ZNF385D: variants seen among roughly 807,000 people sequenced by gnomAD.
The protein encoded by ZNF385D is zinc finger protein 385D, also known as zinc finger protein 659.
In ZNF385D, 15 loss-of-function variants were observed where a neutral mutation model predicts 35.8. That is an observed-to-expected ratio of 0.42 (90% CI 0.28 to 0.64). ZNF385D has a LOEUF of 0.64. Among genes scored for constraint, ZNF385D ranks in the 30% least tolerant of loss-of-function variants. The pLI, the probability that ZNF385D is intolerant of heterozygous loss-of-function variation, is 0.23. For synonymous variants in ZNF385D, 212 were observed against 186.8 expected (o/e 1.13, Z -1.10); for missense variants, 474 against 494.6 (o/e 0.96, Z 0.39).
At chr3:21,776,455 A>C (rs2071292241) in intron 3 of ZNF385D, among the ~76,000 whole-genome samples, 2 of 151,974 alleles carry the variant, frequency 1.3e-5, no homozygotes, top group African/African-American at 4.8e-5. Context: ...AAAAAGAACG[A>C]CGTATGTGTG....
chr3:21,875,747 G>A lies in ZNF385D; in HGVS notation c.326-210719C>T, dbSNP rs564771558. 9.9e-5 allele frequency among the ~76,000 whole-genome samples: 15 copies of A among 152,168 alleles called. No individual in the cohort carries two copies. The South Asian group carries it at 2.3e-3, about 23-fold the overall frequency. On this transcript the variant is annotated intron_variant, in intron 3 of 5. Transcript: ENST00000494108. ...GAGGCCACTCCAAGTAGTGGCAGCC[G>A]TGTCATTGCCACCACTGTTGTCATC...
In ZNF385D at chr3:21,522,936, T is replaced by C. The variant is rs1038015438; in HGVS notation, c.277-11913A>G. On this transcript the variant is annotated intron_variant, in intron 3 of 7. Coordinates refer to ENST00000281523, the MANE Select transcript of ZNF385D (RefSeq NM_024697.3). ...GTGCTAACAGCACACTATCCACCGG[T>C]AGTATTTAGTTGTCCTTGGTAGGAT... Among the ~76,000 whole-genome samples, 20 of 152,130 alleles carry C rather than the reference T, an allele frequency of 1.3e-4. No individual in the cohort carries two copies. The East Asian group carries it at 1.4e-3, about 10-fold the overall frequency.
chr3:21,809,063 T>C (rs1339384390), intron 3 of ZNF385D, among the ~76,000 whole-genome samples: 2 of 152,292 alleles, frequency 1.3e-5, no homozygotes, highest in East Asian at 1.9e-4. Flanking sequence ...TAATGATAAA[T>C]TGCTCATCTT....
intron 3 of ZNF385D, among the ~76,000 whole-genome samples, chr3:22,118,673 T>C (rs1188315554): frequency 2.0e-5 from 3 of 152,094 alleles, no homozygotes; most frequent in African/African-American, 7.2e-5. Flanking sequence ...TCTCGATGGT[T>C]AAGACAAACA....
chr3:22,086,586 G>A (rs1418358113), intron 3 of ZNF385D, among the ~76,000 whole-genome samples: 1 of 152,180 alleles, frequency 6.6e-6, no homozygotes, highest in African/African-American at 2.4e-5. Flanking sequence ...CATGCTCATA[G>A]ATAGGAAGAA....
chr3:21,925,188 G>A (rs1055332773), intron 3 of ZNF385D, among the ~76,000 whole-genome samples: 19 of 152,028 alleles, frequency 1.2e-4, no homozygotes, highest in African/African-American at 4.6e-4. Flanking sequence ...AGGTAGAATA[G>A]CTAAAATAAT....
chr3:21,754,905 T>C (rs1233603663), upstream of ZNF385D, among the ~76,000 whole-genome samples: 2 of 152,240 alleles, frequency 1.3e-5, no homozygotes, highest in Non-Finnish European at 2.9e-5. Context: ...CTGTATTGTG[T>C]GTAAGACATC....
chr3:21,732,765 G>A (rs1181964090), intron 1 of ZNF385D, among the ~76,000 whole-genome samples: 1 of 152,144 alleles, frequency 6.6e-6, no homozygotes, highest in Non-Finnish European at 1.5e-5. Flanking sequence ...TGACCTTGAA[G>A]TGTTCTCTGT....
At chr3:21,720,796 C>A (rs1022557102) in intron 1 of ZNF385D, among the ~76,000 whole-genome samples, 2 of 152,110 alleles carry the variant, frequency 1.3e-5, no homozygotes, top group African/African-American at 2.4e-5. Context: ...AGTCCTCTGG[C>A]ATTTAATTTA....
intron 3 of ZNF385D, among the ~76,000 whole-genome samples, chr3:22,008,187 C>A (rs1696336236): frequency 6.6e-6 from 1 of 152,018 alleles, no homozygotes; most frequent in Non-Finnish European, 1.5e-5. Flanking sequence ...TTCAGAACTT[C>A]TAAGTGCTAC....
chr3:21,821,451 T>A (rs1694227133), intron 3 of ZNF385D, among the ~76,000 whole-genome samples: 1 of 152,154 alleles, frequency 6.6e-6, no homozygotes, highest in South Asian at 2.1e-4. Flanking sequence ...TACATGATAC[T>A]TAGAATTAAA....
intron 3 of ZNF385D, among the ~76,000 whole-genome samples, chr3:21,769,459 C>G (rs1028603777): frequency 2.3e-5 from 3 of 127,684 alleles, no homozygotes; most frequent in African/African-American, 6.4e-5. Context: ...ACAAGAGAGC[C>G]AAATCATGAG....
At chr3:21,983,374 C>A (rs1694620158) in intron 3 of ZNF385D, among the ~76,000 whole-genome samples, 1 of 113,026 alleles carries the variant, frequency 8.8e-6, no homozygotes, top group Admixed American at 1.0e-4. Flanking sequence ...TCCATGTGAT[C>A]TCATTGTTCA....
At chr3:21,498,613 C>T (rs1706107670) in intron 4 of ZNF385D, among the ~76,000 whole-genome samples, 1 of 151,978 alleles carries the variant, frequency 6.6e-6, no homozygotes, top group Non-Finnish European at 1.5e-5. Flanking sequence ...TGCTCAACAT[C>T]ACTAATCATT....
At chr3:21,894,013 TTCA>T (rs1699009136) in intron 3 of ZNF385D, among the ~76,000 whole-genome samples, 1 of 152,152 alleles carries the variant, frequency 6.6e-6, no homozygotes, top group African/African-American at 2.4e-5. Context: ...ACTTAGGAAG[TTCA>T]AAAATATCCA....
intron 3 of ZNF385D, among the ~76,000 whole-genome samples, chr3:21,989,150 G>T (rs557496996): frequency 6.6e-6 from 1 of 152,170 alleles, no homozygotes; most frequent in African/African-American, 2.4e-5. Context: ...GACCGGAGCT[G>T]TTCCTATTCG....
intron 2 of ZNF385D, among the ~76,000 whole-genome samples, chr3:22,306,815 T>G (rs1575084457): frequency 6.6e-6 from 1 of 152,116 alleles, no homozygotes; most frequent in African/African-American, 2.4e-5. Flanking sequence ...AAAGGAGAGG[T>G]TTAGATATAA....
intron 2 of ZNF385D, among the ~76,000 whole-genome samples, chr3:22,260,810 A>T (rs756178880): frequency 6.6e-6 from 1 of 152,044 alleles, no homozygotes; most frequent in Non-Finnish European, 1.5e-5. Flanking sequence ...GTAACTATTT[A>T]TCAAACTCAA....
chr3:21,993,766 A>G (rs1026001377), intron 3 of ZNF385D, among the ~76,000 whole-genome samples: 1 of 152,172 alleles, frequency 6.6e-6, no homozygotes, highest in Non-Finnish European at 1.5e-5. Context: ...GAGAAAAAAA[A>G]TTGCTTCCAA....
Sources: gnomAD v4.1 joint callset for allele counts (sites outside exome capture counted in the v4.1 genomes callset) on GRCh38, gnomAD v4.1.1 for gene constraint, MANE v1.5 for transcripts, NCBI Gene and HGNC (gene_info 2026-07-23, HGNC 2026-07-21) for gene names.